KATNA1: variants seen among roughly 807,000 people sequenced by gnomAD.
KATNA1 encodes the protein katanin p60 ATPase-containing subunit A1.
A neutral mutation model predicts 62.6 loss-of-function variants in KATNA1; 42 were observed. The observed-to-expected ratio is 0.67, with a 90% CI of 0.52 to 0.87. KATNA1 has a LOEUF of 0.87. Among genes scored for constraint, KATNA1 ranks in the 40% least tolerant of loss-of-function variants. The probability of loss-of-function intolerance (pLI) is 0.00; values close to 1 mark genes in which losing one functional copy is unlikely to be tolerated. For synonymous variants in KATNA1, 186 were observed against 201.9 expected, an observed-to-expected ratio of 0.92 and a Z score of 0.67; for missense variants, 498 against 612.5, an observed-to-expected ratio of 0.81 and a Z score of 1.97.
chr6:149,614,139 C>A (rs901544178), intron 4 of KATNA1, among the ~76,000 whole-genome samples: 1 of 152,292 alleles, frequency 6.6e-6, no homozygotes, highest in East Asian at 1.9e-4. Flanking sequence ...AGCCCGTAGG[C>A]CCTTAGTAGG....
At chr6:149,639,553 C>T (rs977493213) in intron 1 of KATNA1, among the ~76,000 whole-genome samples, 1 of 152,020 alleles carries the variant, frequency 6.6e-6, no homozygotes, top group Non-Finnish European at 1.5e-5. Context: ...GAGCCGAGAT[C>T]GCACCACAGC....
intron 4 of KATNA1, among the ~76,000 whole-genome samples, chr6:149,615,760 T>C (rs1779147068): frequency 6.6e-6 from 1 of 152,156 alleles, no homozygotes; most frequent in South Asian, 2.1e-4. Flanking sequence ...GAATATTTAC[T>C]GTACTCCAGC....
chr6:149,630,733 C>T (rs1403785159), intron 3 of KATNA1, among the ~76,000 whole-genome samples: 3 of 152,022 alleles, frequency 2.0e-5, no homozygotes, highest in Non-Finnish European at 4.4e-5. Flanking sequence ...AAAATGTGGC[C>T]TATGGACCAC....
chr6:149,616,384 G>A (rs1779167631), intron 4 of KATNA1, among the ~76,000 whole-genome samples: 1 of 152,220 alleles, frequency 6.6e-6, no homozygotes. Flanking sequence ...AAGCATTGAT[G>A]AGGATGTAGA....
At chr6:149,634,036 G>T (rs1021918010) in intron 2 of KATNA1, among the ~76,000 whole-genome samples, 7 of 151,962 alleles carry the variant, frequency 4.6e-5, no homozygotes, top group African/African-American at 1.7e-4. Flanking sequence ...ACTTTGGGAG[G>T]CCAAGGAGGG....
At chr6:149,623,014 G>GA (rs1562292891) in intron 4 of KATNA1, 89 bp downstream of exon 4, 1 of 1,078,602 alleles carries the variant, frequency 9.3e-7, no homozygotes, top group East Asian at 2.7e-5. Flanking sequence ...CTCAAAAAAG[G>GA]AAAAAAAGAA....
rs138639534 is a variant in KATNA1, at chr6:149,614,216, C to T, written c.501+8887G>A. ...CAGGAGCCAGGATGGTCAAAAAGGA[C>T]CCTGTCCTCCAAAAACTAGGTATGT... On this transcript the variant is annotated intron_variant, in intron 4 of 10. Transcript: ENST00000367411. 1.2e-4 allele frequency among the ~76,000 whole-genome samples: 19 copies of T among 152,232 alleles called. No homozygotes were observed. In the East Asian group the frequency reaches 2.9e-3, roughly 23 times the overall value.
intron 4 of KATNA1, among the ~76,000 whole-genome samples, chr6:149,608,055 G>C (rs1256105124): frequency 6.6e-6 from 1 of 152,168 alleles, no homozygotes; most frequent in African/African-American, 2.4e-5. Context: ...GACAGAGTGA[G>C]ACTCCGTCTC....
chr6:149,598,859 T>A (rs980699324), intron 7 of KATNA1, among the ~76,000 whole-genome samples: 9 of 152,062 alleles, frequency 5.9e-5, no homozygotes, highest in Non-Finnish European at 1.0e-4. Context: ...ATGAACCGTT[T>A]TTTATTTATT....
intron 2 of KATNA1, among the ~76,000 whole-genome samples, chr6:149,637,369 C>T (rs1582807450): frequency 6.6e-6 from 1 of 152,116 alleles, no homozygotes; most frequent in Non-Finnish European, 1.5e-5. Flanking sequence ...AGAGACTGCA[C>T]TCCCTCCTGG....
intron 1 of KATNA1, among the ~76,000 whole-genome samples, chr6:149,645,959 G>A (rs1780471840): frequency 6.6e-6 from 1 of 151,862 alleles, no homozygotes; most frequent in Non-Finnish European, 1.5e-5. Context: ...AAATATCTGA[G>A]TTCTAAGATT....
chr6:149,595,253 A>T lies in KATNA1; in HGVS notation c.1278-19T>A. The T allele has an allele frequency of 6.3e-7, 1 of 1,594,842 alleles. No individual in the cohort carries two copies. The highest frequency in any genetic ancestry group is 8.6e-7 in the Non-Finnish European group (1 of 1,164,472). On this transcript the variant is annotated intron_variant, in intron 10 of 10. Coordinates refer to ENST00000367411, the MANE Select transcript of KATNA1 (RefSeq NM_007044.4). ...CGCATCCCTAGGTTTTAAGTTAAAA[A>T]CAACAACAACACACACAATGTTACT...
chr6:149,627,376 G>A (rs1179425649), intron 3 of KATNA1, among the ~76,000 whole-genome samples: 1 of 151,410 alleles, frequency 6.6e-6, no homozygotes, highest in Non-Finnish European at 1.5e-5. Context: ...GACTAGCCTG[G>A]CAAATATGGC....
At chr6:149,621,979 T>TAGA (rs1258506915) in intron 4 of KATNA1, among the ~76,000 whole-genome samples, 7 of 152,212 alleles carry the variant, frequency 4.6e-5, no homozygotes, top group African/African-American at 1.7e-4. Flanking sequence ...TGTGTCCTTC[T>TAGA]ACATTGTAAT....
At chr6:149,644,057 T>C (rs575230301) in intron 1 of KATNA1, among the ~76,000 whole-genome samples, 2 of 152,026 alleles carry the variant, frequency 1.3e-5, no homozygotes, top group Non-Finnish European at 2.9e-5. Context: ...GGTCACATTC[T>C]TGATCCTCAG....
At chr6:149,612,303 T>C (rs555582588) in intron 4 of KATNA1, among the ~76,000 whole-genome samples, 1 of 150,800 alleles carries the variant, frequency 6.6e-6, no homozygotes, top group Non-Finnish European at 1.5e-5. Flanking sequence ...AGGTCAGGAG[T>C]TCAAGATCAG....
In KATNA1 at chr6:149,620,753, TCA is replaced by T. The variant is rs200447132; in HGVS notation, c.501+2348_501+2349del. Among the ~76,000 whole-genome samples, 202 of 152,320 alleles carry T rather than the reference TCA, an allele frequency of 1.3e-3. 2 individuals are homozygous for T. The East Asian group carries it at 0.032, about 24-fold the overall frequency. The stretch of plus-strand genomic sequence containing the variant: ...CCCATTGTATATGTGTATTGAATTA[TCA>T]CAGTGTACCCCATAAATATGTATGA... On this transcript the variant is annotated intron_variant, in intron 4 of 10. Transcript: ENST00000367411.
chr6:149,620,104 C>G (rs1779334967), intron 4 of KATNA1, among the ~76,000 whole-genome samples: 1 of 152,208 alleles, frequency 6.6e-6, no homozygotes, highest in Middle Eastern at 3.4e-3. Flanking sequence ...AGATAAATAA[C>G]ACATGTTCTC....
At chr6:149,618,893 G>A (rs1202573691) in intron 4 of KATNA1, among the ~76,000 whole-genome samples, 2 of 152,144 alleles carry the variant, frequency 1.3e-5, no homozygotes, top group African/African-American at 4.8e-5. Context: ...GATGATGTAG[G>A]AGAAATGCTT....
Sources: allele counts gnomAD v4.1 joint callset (sites outside exome capture counted in the v4.1 genomes callset), GRCh38; gene constraint gnomAD v4.1.1; transcripts MANE v1.5; gene names NCBI Gene and HGNC (gene_info 2026-07-23, HGNC 2026-07-21).